The following LATS1 variants were observed in gnomAD, a reference collection of about 807,000 sequenced individuals.
The protein encoded by LATS1 is large tumor suppressor kinase 1, also known as serine/threonine-protein kinase LATS1.
LATS1 carries 25 observed loss-of-function variants against 106.6 expected under a neutral mutation model. That is an observed-to-expected ratio of 0.23 (90% CI 0.17 to 0.33). LATS1 has a LOEUF of 0.33. Among genes scored for constraint, LATS1 ranks in the 10% least tolerant of loss-of-function variants. LATS1 has a pLI of 1.00. For missense variants in LATS1, 1,040 were observed against 1,382.6 expected, an observed-to-expected ratio of 0.75 and a Z score of 3.93; for synonymous variants, 465 against 455.6, an observed-to-expected ratio of 1.02 and a Z score of -0.26.
chr6:149,676,685 G>A lies in LATS1; in HGVS notation c.2646C>T (p.Pro882=). ...SMDFSNEWGD[P]SSCRCGDRLK... is the part of the protein sequence containing the mutation. ...GTCTGTCTCCACATCGACAGCTTGA[G>A]GGATCCCCCCATTCATTACTGAAAT... is the stretch of plus-strand genomic sequence containing the variant. The change falls in exon 6 of 8, where the codon CCC becomes CCT. Residue 882 remains proline (P), a synonymous_variant. Transcript: ENST00000543571. The A allele has an allele frequency of 6.2e-7, 1 of 1,614,052 alleles. No individual in the cohort carries two copies. The highest frequency in any genetic ancestry group is 8.5e-7 in the Non-Finnish European group (1 of 1,179,970).
At chr6:149,677,608 A>G (rs1781794198) in intron 5 of LATS1, among the ~76,000 whole-genome samples, 1 of 152,228 alleles carries the variant, frequency 6.6e-6, no homozygotes, top group African/African-American at 2.4e-5. Context: ...ATGTGAAGAT[A>G]GCCAGGAAGC....
chr6:149,696,364 C>T (rs977271501), intron 2 of LATS1, among the ~76,000 whole-genome samples: 4 of 149,726 alleles, frequency 2.7e-5, no homozygotes, highest in Admixed American at 6.6e-5. Flanking sequence ...AGGTCAGGAG[C>T]TCCAGACCAG....
intron 1 of LATS1, among the ~76,000 whole-genome samples, chr6:149,713,189 G>A (rs970329209): frequency 1.1e-4 from 16 of 151,910 alleles, no homozygotes; most frequent in African/African-American, 3.9e-4. Flanking sequence ...ATAAATCAAG[G>A]TCCAATCTCC....
intron 1 of LATS1, among the ~76,000 whole-genome samples, chr6:149,709,613 C>A (rs1387964502): frequency 6.6e-6 from 1 of 151,336 alleles, no homozygotes; most frequent in Non-Finnish European, 1.5e-5. Context: ...CTCAGACATT[C>A]CTTCCTATTG....
At position 149,660,610 on chromosome 6, in the gene LATS1, C is replaced by T. The variant is rs1234125539; in HGVS notation, c.*1119G>A. The T allele has an allele frequency of 2.2e-5, 5 of 231,958 alleles. No homozygotes were observed. The highest frequency in any genetic ancestry group is 1.8e-4 in the South Asian group (1 of 5,522). The allele number at this position is 231,958 out of a possible 1,614,324, so 14.4% of individuals were successfully genotyped here. On this transcript the variant is annotated 3_prime_UTR_variant, in exon 8 of 8. Coordinates refer to ENST00000543571, the MANE Select transcript of LATS1 (RefSeq NM_004690.4). ...ACCTTAATCTTCCTTAGAACCTAAG[C>T]GTTATACATAACAGGCATGTTGAAC...
intron 2 of LATS1, among the ~76,000 whole-genome samples, chr6:149,701,028 C>A (rs1783428963): frequency 6.6e-6 from 1 of 152,188 alleles, no homozygotes; most frequent in Non-Finnish European, 1.5e-5. Context: ...GATGATCCAC[C>A]CACCTTGGCT....
intron 1 of LATS1, among the ~76,000 whole-genome samples, chr6:149,712,229 C>T (rs1374010623): frequency 2.0e-5 from 3 of 151,986 alleles, no homozygotes; most frequent in African/African-American, 4.8e-5. Context: ...GATGGAGTTT[C>T]GCTCGTTGCC....
chr6:149,690,213 C>CTT (rs201743580), intron 3 of LATS1, among the ~76,000 whole-genome samples: 79 of 125,468 alleles, frequency 6.3e-4, no homozygotes, highest in Non-Finnish European at 3.6e-4. Context: ...TTCTTTTTTT[C>CTT]TTTTTTTTTT....
chr6:149,699,362 G>C (rs935019640), intron 2 of LATS1, among the ~76,000 whole-genome samples: 1 of 152,120 alleles, frequency 6.6e-6, no homozygotes, highest in African/African-American at 2.4e-5. Flanking sequence ...GGGAAGTGAA[G>C]AGCGCCTCTG....
chr6:149,706,164 C>A lies in LATS1; in HGVS notation c.-140-3898G>T, dbSNP rs927403301. On this transcript the variant is annotated intron_variant, in intron 1 of 7. Transcript: ENST00000543571. ...TGCCATTGCACTCCAGCCTGGGCAA[C>A]AAGAGCGAAACCCGGTCGCAAAAAA... Among the ~76,000 whole-genome samples the A allele has an allele frequency of 1.6e-4, 17 of 104,038 alleles. No homozygotes were observed. The East Asian group carries it at 5.2e-3, about 32-fold the overall frequency. 68.3% of individuals were successfully genotyped at this position (104,038 alleles called of 152,430 possible). A position where few individuals can be genotyped will look rare whatever the true frequency, so the allele number is the denominator to read the frequency against.
rs1471110118 is a variant in LATS1 at position 149,661,015 on chromosome 6, A to G, written c.*714T>C. On this transcript the variant is annotated 3_prime_UTR_variant, in exon 8 of 8. Transcript: ENST00000543571. ...AGCAGCATCAAAAATACCAATATGGAAAAAAAGCTAGTAGTGCTTTGGCTT... is the reference window on the plus strand; with the variant it reads ...AGCAGCATCAAAAATACCAATATGGGAAAAAAGCTAGTAGTGCTTTGGCTT... 9.8e-6 allele frequency: 2 copies of G among 204,880 alleles called. No homozygotes were observed. Among genetic ancestry groups the G allele is most frequent in the Non-Finnish European group, 2.0e-5 (2 of 101,242 alleles). The allele number at this position is 204,880 out of a possible 1,614,324, so 12.7% of individuals were successfully genotyped here. A position where few individuals can be genotyped will look rare whatever the true frequency, so the allele number is the denominator to read the frequency against.
In LATS1 at chr6:149,684,596, T is replaced by C. The variant is rs755042761; in HGVS notation, c.497-4A>G. 7.6e-6 allele frequency: 12 copies of C among 1,569,506 alleles called. No homozygotes were observed. Among genetic ancestry groups the C allele is most frequent in the South Asian group, 7.0e-5 (6 of 85,916 alleles). ...TTAACTGATTGCTGCACATTCCCTA[T>C]GGTTATAAGAGAGATAAAGAGAAAA... On this transcript the variant is annotated splice_polypyrimidine_tract_variant and splice_region_variant and intron_variant, in intron 3 of 7. Transcript: ENST00000543571.
rs1470913808 is a variant in LATS1 at position 149,661,995 on chromosome 6, C to T, written c.3127G>A (p.Asp1043Asn). 6.2e-7 allele frequency: 1 copy of T among 1,614,082 alleles called. No homozygotes were observed. The highest frequency in any genetic ancestry group is 2.2e-5 in the East Asian group (1 of 44,874). Residue 1043 changes from aspartate (D) to asparagine (N), a missense_variant, in exon 8 of 8, where the codon GAT (aspartate) becomes AAT (asparagine). By Grantham distance (23) the Asp-to-Asn change is conservative (BLOSUM62 1). Coordinates refer to ENST00000543571, the MANE Select transcript of LATS1 (RefSeq NM_004690.4). ...TCATCACTCCATAATTTATCAGGAT[C>T]AACAGGATCAAAATTTGATGTATCT... ...PTDTSNFDPV[D>N]PDKLWSDDNE...
intron 1 of LATS1, among the ~76,000 whole-genome samples, chr6:149,706,120 T>C (rs978989598): frequency 3.5e-5 from 4 of 115,790 alleles, no homozygotes; most frequent in African/African-American, 1.4e-4. Flanking sequence ...GAGGTGGAGG[T>C]TGTGGTGAGC....
In LATS1 at chr6:149,680,533, T is replaced by C. The variant is rs1781978709; in HGVS notation, c.2011-76A>G. ...ATATTAAGAAATAGCTTGGGAAAAATTCAGGCATATATTTAAAGGTTAAAT... is the reference window on the plus strand; with the variant it reads ...ATATTAAGAAATAGCTTGGGAAAAACTCAGGCATATATTTAAAGGTTAAAT... On this transcript the variant is annotated intron_variant, in intron 4 of 7. Coordinates refer to ENST00000543571, the MANE Select transcript of LATS1 (RefSeq NM_004690.4). The C allele has an allele frequency of 1.6e-5, 16 of 1,031,526 alleles. 1 individual carries two copies. In the South Asian group the frequency reaches 2.2e-4, roughly 14 times the overall value. 63.9% of individuals were successfully genotyped at this position (1,031,526 alleles called of 1,614,324 possible). A position where few individuals can be genotyped will look rare whatever the true frequency, so the allele number is the denominator to read the frequency against.
At chr6:149,706,662 G>A (rs1488681381) in intron 1 of LATS1, among the ~76,000 whole-genome samples, 12 of 152,164 alleles carry the variant, frequency 7.9e-5, no homozygotes, top group Admixed American at 3.3e-4. Context: ...AATTACAAGT[G>A]TCCTTTTGAG....
intron 7 of LATS1, among the ~76,000 whole-genome samples, chr6:149,663,761 A>C (rs975906665): frequency 6.6e-6 from 1 of 152,066 alleles, no homozygotes; most frequent in African/African-American, 2.4e-5. Context: ...TTCCAGTTTC[A>C]TCACTTATTT....
In LATS1 at chr6:149,661,929, A is replaced by G. The variant is rs1484155318; in HGVS notation, c.3193T>C (p.Tyr1065His). 1.9e-6 allele frequency: 3 copies of G among 1,613,822 alleles called. No homozygotes were observed. The highest frequency in any genetic ancestry group is 1.6e-4 in the Middle Eastern group (1 of 6,084). The part of the protein sequence containing the change: ...ENVNDTLNGW[Y>H]KNGKHPEHAF... ...TGTTCAGGATGCTTTCCATTTTTAT[A>G]CCATCCATTGAGAGTGTCATTTACA... Residue 1065 changes from tyrosine to histidine, a missense_variant, in exon 8 of 8, where the codon TAT becomes CAT. Coordinates refer to ENST00000543571, the MANE Select transcript of LATS1 (RefSeq NM_004690.4).
chr6:149,684,095 T>G lies in LATS1; in HGVS notation c.994A>C (p.Met332Leu), dbSNP rs760613063. The change falls in exon 4 of 8, where the codon ATG becomes CTG. Residue 332 changes from methionine (M) to leucine (L), a missense_variant. Transcript: ENST00000543571. ...AAGTTAAATTTGCTAGAACTCTGCA[T>G]GATGATTGGTTGTCTGCCAACAGGA... ...SVPVGRQPII[M>L]QSSSKFNFPS... 2 of 1,614,190 alleles carry G rather than the reference T, an allele frequency of 1.2e-6. No homozygotes were observed. Among genetic ancestry groups the G allele is most frequent in the South Asian group, 2.2e-5 (2 of 91,076 alleles).
Sources: gnomAD v4.1 joint callset for allele counts (sites outside exome capture counted in the v4.1 genomes callset) on GRCh38, gnomAD v4.1.1 for gene constraint, MANE v1.5 for transcripts, NCBI Gene and HGNC (gene_info 2026-07-23, HGNC 2026-07-21) for gene names.